The following SPATA13 variants were observed in gnomAD, a reference collection of about 807,000 sequenced individuals.
SPATA13 encodes the protein spermatogenesis-associated protein 13.
In SPATA13, 50 loss-of-function variants were observed where a neutral mutation model predicts 104.0. That is an observed-to-expected ratio of 0.48 (90% CI 0.38 to 0.61). The LOEUF is 0.61. SPATA13 is among the 20% of genes least tolerant of loss of function. The probability of loss-of-function intolerance (pLI) is 0.00; values close to 1 mark genes in which losing one functional copy is unlikely to be tolerated. For synonymous variants in SPATA13, 606 were observed against 667.5 expected (o/e 0.91, Z 1.42); for missense variants, 1,524 against 1,690.6 (o/e 0.90, Z 1.73).
chr13:24,124,334 TTTCTC>T (rs1357047601), intron 3 of SPATA13, among the ~76,000 whole-genome samples: 3 of 152,238 alleles, frequency 2.0e-5, no homozygotes, highest in African/African-American at 7.2e-5. Flanking sequence ...GCCACACTTC[TTTCTC>T]TTAAGTTACA....
chr13:24,249,729 G>A lies in SPATA13; in HGVS notation c.1906G>A (p.Ala636Thr), dbSNP rs1400586642. The A allele has an allele frequency of 1.9e-6, 3 of 1,613,924 alleles. No homozygotes were observed. The highest frequency in any genetic ancestry group is 1.7e-5 in the Admixed American group (1 of 60,006). The change falls in exon 3 of 13, where the codon GCT (alanine) becomes ACT (threonine). Residue 636 changes from alanine to threonine, a missense_variant. Coordinates refer to ENST00000382108, the MANE Select transcript of SPATA13 (RefSeq NM_001166271.3). ...MTSASPEDQN[A>T]PVGCPKGARR... ...TTCTGCCAGCCCTGAAGACCAGAAT[G>A]CTCCAGTGGGCTGCCCCAAAGGAGC...
chr13:23,983,908 G>A (rs1875028376), exon 2 of SPATA13: 1 of 985,454 alleles, frequency 1.0e-6, no homozygotes, highest in Non-Finnish European at 1.2e-6. Context: ...CAAAGCGTAG[G>A]CCTCACAAAC....
chr13:24,057,005 T>C (rs1593303027), intron 3 of SPATA13, among the ~76,000 whole-genome samples: 1 of 131,170 alleles, frequency 7.6e-6, no homozygotes, highest in Non-Finnish European at 1.6e-5. Flanking sequence ...GCTGTTTTCT[T>C]TCTCTCTCTC....
intron 10 of SPATA13, among the ~76,000 whole-genome samples, chr13:24,295,670 ACTCTCTCTCTCTCTCT>A (rs10523910): frequency 1.4e-5 from 2 of 147,930 alleles, no homozygotes; most frequent in Non-Finnish European, 3.0e-5. Context: ...ACAAATTCTC[ACTCTCTCTCTCTCTCT>A]CTCTCTCTCT....
At chr13:24,141,003 T>C (rs1808040) in intron 3 of SPATA13, among the ~76,000 whole-genome samples, 85,244 of 151,780 alleles carry the variant, frequency 0.56, 24,459 homozygotes, top group East Asian at 0.83. Flanking sequence ...GGTGAAACCC[T>C]GTCTCTACTA....
chr13:24,168,693 T>C (rs1262836823), intron 1 of SPATA13, among the ~76,000 whole-genome samples: 2 of 152,168 alleles, frequency 1.3e-5, no homozygotes, highest in Admixed American at 6.5e-5. Context: ...TGCCGTTGCT[T>C]AAATGTTCCA....
intron 3 of SPATA13, among the ~76,000 whole-genome samples, chr13:24,033,045 A>G (rs1344083469): frequency 1.3e-5 from 2 of 152,200 alleles, no homozygotes; most frequent in African/African-American, 2.4e-5. Context: ...TTCTAGATAC[A>G]TAAAGCATTA....
chr13:24,299,136 C>A (rs1005000778), intron 11 of SPATA13, among the ~76,000 whole-genome samples: 2 of 152,196 alleles, frequency 1.3e-5, no homozygotes, highest in African/African-American at 2.4e-5. Flanking sequence ...TAGTTTTAGT[C>A]GTCATATGAC....
At chr13:24,140,655 G>A (rs993798973) in intron 3 of SPATA13, among the ~76,000 whole-genome samples, 2 of 152,124 alleles carry the variant, frequency 1.3e-5, no homozygotes, top group African/African-American at 4.8e-5. Flanking sequence ...TTAAGCACAC[G>A]GGACTGCAAC....
chr13:24,120,144 C>G (rs533991591), intron 3 of SPATA13, among the ~76,000 whole-genome samples: 2 of 152,282 alleles, frequency 1.3e-5, no homozygotes, highest in South Asian at 2.1e-4. Flanking sequence ...AGCCCTGTCT[C>G]CCTCTGTTCC....
At chr13:24,218,888 A>G (rs1029141845) in intron 1 of SPATA13, among the ~76,000 whole-genome samples, 1 of 150,976 alleles carries the variant, frequency 6.6e-6, no homozygotes. Context: ...AATCTGTTCT[A>G]TATTCCTGAA....
At position 24,286,453 on chromosome 13, in the gene SPATA13, A is replaced by T; in HGVS notation, c.2481+60A>T. On this transcript the variant is annotated intron_variant, in intron 6 of 12. Transcript: ENST00000382108. This position sits in a 1 kb window ranked among gnomAD's most constrained non-coding sequence, Gnocchi z 4.9. ...CCTGGGGGAGCTGCAGGATCCTTTC[A>T]GGTCAGAACTCGCCTTTTATCAGGT... 2.0e-6 allele frequency: 3 copies of T among 1,530,848 alleles called. No individual in the cohort carries two copies. Among genetic ancestry groups the T allele is most frequent in the Non-Finnish European group, 2.7e-6 (3 of 1,131,554 alleles). 94.8% of individuals were successfully genotyped at this position (1,530,848 alleles called of 1,614,324 possible).
At chr13:24,216,043 G>A (rs7981846) in intron 1 of SPATA13, among the ~76,000 whole-genome samples, 39,461 of 152,122 alleles carry the variant, frequency 0.26, 5,591 homozygotes, top group Middle Eastern at 0.37. Flanking sequence ...GCAGTCTTCA[G>A]GGCTGAGGGC....
At chr13:24,247,623 C>T (rs1345288015) in intron 2 of SPATA13, among the ~76,000 whole-genome samples, 2 of 151,960 alleles carry the variant, frequency 1.3e-5, no homozygotes, top group Non-Finnish European at 2.9e-5. Context: ...GCTGGGATTA[C>T]AGGCACCTGT....
chr13:24,271,019 TCA>T (rs1874564372), intron 4 of SPATA13: 13 of 739,268 alleles, frequency 1.8e-5, no homozygotes, highest in South Asian at 4.5e-5. Flanking sequence ...CCACTCTCTC[TCA>T]CTCTCTCTCT....
chr13:24,272,376 G>T (rs1299563237), intron 4 of SPATA13, among the ~76,000 whole-genome samples: 1 of 152,228 alleles, frequency 6.6e-6, no homozygotes, highest in Non-Finnish European at 1.5e-5. Context: ...TCTGAGAGGG[G>T]CCTGGGTCAG....
In SPATA13 at chr13:24,249,656, C is replaced by A; in HGVS notation, c.1833C>A (p.Asp611Glu). The change falls in exon 3 of 13, where the codon GAC (aspartate) becomes GAA (glutamate). Residue 611 changes from aspartate to glutamate, a missense_variant. This residue lies in a region of SPATA13 where 1,089 missense variants were observed against 1,135.9 expected (regional missense o/e 0.96). Transcript: ENST00000382108. ...LSIPEDSVAA[D>E]PQKEDRVDED... ...TTCCTGAAGACTCGGTTGCTGCAGACCCCCAGAAGGAAGACCGTGTGGACG... is the reference window on the plus strand; with the variant it reads ...TTCCTGAAGACTCGGTTGCTGCAGAACCCCAGAAGGAAGACCGTGTGGACG... 1.9e-6 allele frequency: 3 copies of A among 1,614,178 alleles called. No homozygotes were observed. The highest frequency in any genetic ancestry group is 1.3e-5 in the African/African-American group (1 of 75,052).
chr13:24,122,439 A>C, intron 3 of SPATA13: 1 of 1,599,160 alleles, frequency 6.3e-7, no homozygotes, highest in Non-Finnish European at 8.6e-7. Flanking sequence ...ACCAGTCTTC[A>C]TCGTCTCCAT....
At chr13:24,182,677 A>G (rs1485854710) in intron 1 of SPATA13, among the ~76,000 whole-genome samples, 4 of 152,164 alleles carry the variant, frequency 2.6e-5, no homozygotes, top group African/African-American at 7.2e-5. Flanking sequence ...TCACATTTCA[A>G]TGTGAGATTT....
Sources: gnomAD v4.1 joint callset for allele counts (sites outside exome capture counted in the v4.1 genomes callset) on GRCh38, gnomAD v4.1.1 for gene constraint, gnomAD v4.1.1 regional missense constraint, Gnocchi (gnomAD v3.1) non-coding constraint, MANE v1.5 for transcripts, NCBI Gene and HGNC (gene_info 2026-07-23, HGNC 2026-07-21) for gene names.